Variants in DENND4A observed in about 807,000 individuals in gnomAD.
DENND4A encodes the protein DENN domain containing 4A.
DENND4A carries 70 observed loss-of-function variants against 199.3 expected under a neutral mutation model. That is an observed-to-expected ratio of 0.35 (90% confidence interval 0.29 to 0.43). The LOEUF (loss-of-function observed/expected upper bound fraction) is 0.43. Among genes scored for constraint, DENND4A ranks in the 20% least tolerant of loss-of-function variants. The probability of loss-of-function intolerance (pLI) is 1.00; values close to 1 mark genes in which losing one functional copy is unlikely to be tolerated. For missense variants in DENND4A, 1,723 were observed against 2,255.8 expected (o/e 0.76, Z 4.78); for synonymous variants, 686 against 766.9 (o/e 0.89, Z 1.74).
At chr15:65,729,293 A>C (rs1337383401) in intron 10 of DENND4A, 46 bp from the exon 11 acceptor site, 2 of 1,538,720 alleles carry the variant, frequency 1.3e-6, no homozygotes, top group South Asian at 2.4e-5. Context: ...TTTAACACTG[A>C]AGCATAATTT....
At chr15:65,690,296 C>A in intron 23 of DENND4A, 119 bp downstream of exon 23, 1 of 1,061,750 alleles carries the variant, frequency 9.4e-7, no homozygotes, top group Non-Finnish European at 1.3e-6. Flanking sequence ...ACTTACATAC[C>A]CAATGAGTCC....
At position 65,691,134 on chromosome 15, in the gene DENND4A, A is replaced by C; in HGVS notation, c.3460T>G (p.Tyr1154Asp). The C allele has an allele frequency of 6.2e-7, 1 of 1,613,432 alleles. No homozygotes were observed. The highest frequency in any genetic ancestry group is 8.5e-7 in the Non-Finnish European group (1 of 1,179,718). ...DDDTPFDGSN[Y>D]LADKVDSPVI... is the part of the protein sequence containing the mutation. ...GGAGAATCCACTTTATCTGCCAAAT[A>C]GTTAGAACCATCAAAAGGTGTATCA... The change falls in exon 23 of 33, where the codon TAT becomes GAT. Residue 1154 changes from tyrosine to aspartate, a missense_variant. Physicochemically the swap from Tyr to Asp is radical, Grantham distance 160 (BLOSUM62 -3). Around this residue, in one of 6 missense-constraint regions of DENND4A, gnomAD observed 650 missense variants for 738.1 expected, o/e 0.88. Transcript: ENST00000443035.
At chr15:65,760,822 G>A (rs1205593687) in intron 2 of DENND4A, among the ~76,000 whole-genome samples, 1 of 152,038 alleles carries the variant, frequency 6.6e-6, no homozygotes, top group African/African-American at 2.4e-5. Context: ...GCTGTAGGCA[G>A]AGGTTGCAAT....
chr15:65,692,231 A>T (rs1243434158), intron 22 of DENND4A, among the ~76,000 whole-genome samples: 1 of 152,214 alleles, frequency 6.6e-6, no homozygotes, highest in African/African-American at 2.4e-5. Context: ...CCTTATAACT[A>T]TAAATGGGGC....
chr15:65,788,081 AT>A (rs869202537), intron 1 of DENND4A, among the ~76,000 whole-genome samples: 108 of 148,402 alleles, frequency 7.3e-4, no homozygotes, highest in Middle Eastern at 6.8e-3. Flanking sequence ...TTATTTATTT[AT>A]TTTTTTTTTT....
intron 15 of DENND4A, among the ~76,000 whole-genome samples, chr15:65,703,480 A>G (rs546716749): frequency 6.6e-6 from 1 of 152,330 alleles, no homozygotes; most frequent in Admixed American, 6.5e-5. Flanking sequence ...TAGGTTTAGC[A>G]TATTAGCACA....
intron 1 of DENND4A, among the ~76,000 whole-genome samples, chr15:65,787,522 G>C (rs1293366825): frequency 2.0e-5 from 3 of 152,152 alleles, no homozygotes; most frequent in Non-Finnish European, 4.4e-5. Context: ...AACTAAGAAA[G>C]TGTCACACAT....
chr15:65,704,028 A>G (rs1002419562), intron 15 of DENND4A, among the ~76,000 whole-genome samples: 1 of 152,248 alleles, frequency 6.6e-6, no homozygotes, highest in African/African-American at 2.4e-5. Flanking sequence ...TTTTTTACAC[A>G]TTACTATAGT....
At chr15:65,701,330 GCT>G in intron 18 of DENND4A, 138 bp from the exon 19 acceptor site, 1 of 708,996 alleles carries the variant, frequency 1.4e-6, no homozygotes. Context: ...AATTTGGGAG[GCT>G]GAGGCAGGTG....
At chr15:65,679,668 C>A (rs909654325) in intron 23 of DENND4A, among the ~76,000 whole-genome samples, 2 of 151,604 alleles carry the variant, frequency 1.3e-5, no homozygotes, top group African/African-American at 4.8e-5. Context: ...GCAGCTGGGA[C>A]CACAGGCATG....
At chr15:65,662,248 G>C (rs1205550554) in intron 32 of DENND4A, among the ~76,000 whole-genome samples, 1 of 152,074 alleles carries the variant, frequency 6.6e-6, no homozygotes, top group Non-Finnish European at 1.5e-5. Flanking sequence ...ACTTTGCTTT[G>C]CATACTCAAT....
chr15:65,765,749 A>G (rs1047488351), intron 1 of DENND4A, among the ~76,000 whole-genome samples: 1 of 152,204 alleles, frequency 6.6e-6, no homozygotes, highest in African/African-American at 2.4e-5. Context: ...TCACATGTGC[A>G]TAAAACCATG....
chr15:65,780,239 C>T (rs1325433571), intron 1 of DENND4A, among the ~76,000 whole-genome samples: 1 of 152,146 alleles, frequency 6.6e-6, no homozygotes, highest in Non-Finnish European at 1.5e-5. Flanking sequence ...CTGTAACATG[C>T]TTTCATTTAT....
chr15:65,720,947 TTATATATATATATATATATATATATA>T (rs72498783), intron 12 of DENND4A, among the ~76,000 whole-genome samples: 2 of 76,234 alleles, frequency 2.6e-5, no homozygotes, highest in East Asian at 2.3e-4. Flanking sequence ...GTTTCATTGA[TTATATATATATATATATATATATATA>T]TATATATATT....
At chr15:65,708,040 A>G (rs1339835939) in intron 14 of DENND4A, among the ~76,000 whole-genome samples, 1 of 152,046 alleles carries the variant, frequency 6.6e-6, no homozygotes, top group Non-Finnish European at 1.5e-5. Flanking sequence ...TCTGTTGCCC[A>G]GGCTAAAATG....
At chr15:65,669,492 C>A (rs544878548) in intron 27 of DENND4A, among the ~76,000 whole-genome samples, 2 of 152,084 alleles carry the variant, frequency 1.3e-5, no homozygotes, top group Admixed American at 6.5e-5. Flanking sequence ...TCATTATAAA[C>A]CTCAAGTGTT....
At chr15:65,701,229 AT>A in intron 18 of DENND4A, 37 bp from the exon 19 acceptor site, 1 of 1,456,450 alleles carries the variant, frequency 6.9e-7, no homozygotes, top group East Asian at 2.5e-5. Flanking sequence ...TAGTAAAATA[AT>A]TTTTATAAGT....
At chr15:65,743,859 G>A (rs1323081880) in intron 4 of DENND4A, among the ~76,000 whole-genome samples, 1 of 152,166 alleles carries the variant, frequency 6.6e-6, no homozygotes, top group Non-Finnish European at 1.5e-5. Flanking sequence ...ATACTGATGG[G>A]AGATAAGGAA....
At chr15:65,791,467 C>A (rs866226818) in intron 1 of DENND4A, among the ~76,000 whole-genome samples, 35 of 142,636 alleles carry the variant, frequency 2.5e-4, no homozygotes, top group Admixed American at 1.2e-3. Flanking sequence ...ACACACCCCC[C>A]CAAAAAGACT....
Sources: allele counts gnomAD v4.1 joint callset (sites outside exome capture counted in the v4.1 genomes callset), GRCh38; gene constraint gnomAD v4.1.1; regional missense constraint gnomAD v4.1.1; transcripts MANE v1.5; gene names NCBI Gene and HGNC (gene_info 2026-07-23, HGNC 2026-07-21).